RIMS1: variants seen among roughly 807,000 people sequenced by gnomAD.
RIMS1 encodes the protein regulating synaptic membrane exocytosis 1.
Under a neutral mutation model 214.1 loss-of-function variants are expected in RIMS1, and 83 were observed. The ratio of observed to expected loss-of-function variants is 0.39; its 90% CI spans 0.32 to 0.47. The LOEUF (loss-of-function observed/expected upper bound fraction) is 0.47. RIMS1 is among the 20% of genes least tolerant of loss of function. The pLI is 0.99. For missense variants in RIMS1, 2,050 were observed against 2,161.8 expected, an observed-to-expected ratio of 0.95 and a Z score of 1.03; for synonymous variants, 793 against 786.8, an observed-to-expected ratio of 1.01 and a Z score of -0.13.
intron 2 of RIMS1, among the ~76,000 whole-genome samples, chr6:72,004,493 A>G (rs1271066292): frequency 1.3e-5 from 2 of 151,644 alleles, no homozygotes; most frequent in African/African-American, 4.8e-5. Flanking sequence ...CCAACAGTGT[A>G]AAAGTGTTCC....
rs147188163 is a variant in RIMS1 at position 71,924,118 on chromosome 6, T to C, written c.164+36931T>C. On this transcript the variant is annotated intron_variant, in intron 1 of 33. Coordinates refer to ENST00000521978, the MANE Select transcript of RIMS1 (RefSeq NM_014989.7). ...GCACTTGCATGTTTCACACTTGAAG[T>C]AGTTTTATTTTGCTATTGGATAAAT... is the stretch of plus-strand genomic sequence containing the variant. 2.8e-3 allele frequency among the ~76,000 whole-genome samples: 433 copies of C among 152,316 alleles called. 1 individual carries two copies. Among genetic ancestry groups the C allele is most frequent in the African/African-American group, 9.6e-3 (398 of 41,568 alleles).
intron 26 of RIMS1, among the ~76,000 whole-genome samples, chr6:72,295,771 A>G (rs2094007093): frequency 6.6e-6 from 1 of 151,700 alleles, no homozygotes; most frequent in African/African-American, 2.4e-5. Context: ...TTTTAGTACC[A>G]TATTTGGGAA....
intron 1 of RIMS1, among the ~76,000 whole-genome samples, chr6:71,892,242 G>A (rs764672020): frequency 3.3e-5 from 5 of 152,256 alleles, no homozygotes; most frequent in Admixed American, 1.3e-4. Context: ...AACATTTATC[G>A]TGTACCTTCT....
In RIMS1 at chr6:72,057,507, T is replaced by C. The variant is rs551578657; in HGVS notation, c.246-39442T>C. 4.1e-4 allele frequency among the ~76,000 whole-genome samples: 61 copies of C among 150,522 alleles called. 1 individual carries two copies. Among genetic ancestry groups the C allele is most frequent in the African/African-American group, 1.3e-3 (52 of 41,126 alleles). On this transcript the variant is annotated intron_variant, in intron 2 of 33. Coordinates refer to ENST00000521978, the MANE Select transcript of RIMS1 (RefSeq NM_014989.7). ...AGTACACCTTCTTTTTCTTTTTTTTTTTTTTTTTTTCTTTTTTTGAGATGG... is the reference window on the plus strand; with the variant it reads ...AGTACACCTTCTTTTTCTTTTTTTTCTTTTTTTTTTCTTTTTTTGAGATGG...
At chr6:72,246,553 A>G (rs774722308) in intron 11 of RIMS1, among the ~76,000 whole-genome samples, 9 of 152,310 alleles carry the variant, frequency 5.9e-5, no homozygotes, top group Non-Finnish European at 1.3e-4. Flanking sequence ...ACAGAACCCA[A>G]GTTAAAGAAA....
intron 1 of RIMS1, among the ~76,000 whole-genome samples, chr6:71,912,528 A>G (rs75858094): frequency 2.0e-5 from 3 of 152,118 alleles, no homozygotes; most frequent in African/African-American, 7.2e-5. Flanking sequence ...CTTTTTTCAT[A>G]TGATTACATA....
At chr6:72,014,134 A>G (rs1028429054) in intron 2 of RIMS1, among the ~76,000 whole-genome samples, 23 of 152,256 alleles carry the variant, frequency 1.5e-4, no homozygotes, top group Non-Finnish European at 2.8e-4. Flanking sequence ...CAGGAAACTT[A>G]TAATCATGGT....
chr6:71,998,416 T>A (rs1804140591), intron 2 of RIMS1, among the ~76,000 whole-genome samples: 1 of 152,054 alleles, frequency 6.6e-6, no homozygotes, highest in African/African-American at 2.4e-5. Context: ...GTGCTATTAT[T>A]CCTTATGTTG....
chr6:72,051,222 T>C (rs1433071028), intron 2 of RIMS1, among the ~76,000 whole-genome samples: 1 of 152,164 alleles, frequency 6.6e-6, no homozygotes, highest in Non-Finnish European at 1.5e-5. Context: ...AGGACCCACT[T>C]TGAACTTGGC....
chr6:71,912,438 A>G (rs537854258), intron 1 of RIMS1, among the ~76,000 whole-genome samples: 1 of 152,292 alleles, frequency 6.6e-6, no homozygotes, highest in Non-Finnish European at 1.5e-5. Context: ...AGTAGAATTT[A>G]TGTAATCTAC....
intron 4 of RIMS1, among the ~76,000 whole-genome samples, chr6:72,118,853 C>T (rs1312801506): frequency 6.6e-6 from 1 of 151,612 alleles, no homozygotes; most frequent in Admixed American, 6.6e-5. Context: ...TATGATGGAT[C>T]CAGAATGAAC....
chr6:72,264,839 G>A, intron 19 of RIMS1, 136 bp from the exon 20 acceptor site: 1 of 559,584 alleles, frequency 1.8e-6, no homozygotes, highest in Non-Finnish European at 3.1e-6. Context: ...AATAGTTATT[G>A]TGGTTCTTTT....
chr6:72,186,739 T>C (rs1462636854), intron 6 of RIMS1, among the ~76,000 whole-genome samples: 1 of 151,620 alleles, frequency 6.6e-6, no homozygotes, highest in Non-Finnish European at 1.5e-5. Flanking sequence ...AAGAATTACT[T>C]CACTTCCTCA....
chr6:72,164,568 A>G (rs1352330736), intron 4 of RIMS1, among the ~76,000 whole-genome samples: 1 of 152,096 alleles, frequency 6.6e-6, no homozygotes, highest in African/African-American at 2.4e-5. Flanking sequence ...TTTTATTATG[A>G]TGTTCCTATA....
At chr6:72,340,599 A>G (rs1320923938) in intron 29 of RIMS1, among the ~76,000 whole-genome samples, 1 of 151,868 alleles carries the variant, frequency 6.6e-6, no homozygotes, top group African/African-American at 2.4e-5. Flanking sequence ...AGTTGTAGAT[A>G]TGCGGCATTA....
In RIMS1 at chr6:72,390,458, A is replaced by C. The variant is rs936811691; in HGVS notation, c.4367-140A>C. On this transcript the variant is annotated intron_variant, in intron 29 of 33. Coordinates refer to ENST00000521978, the MANE Select transcript of RIMS1 (RefSeq NM_014989.7). ...TTGGCAAGGAGCCTGAATCAAGCAA[A>C]GTACTCCCTTAGGTTACTATTTTTC... 5.7e-5 allele frequency: 55 copies of C among 967,872 alleles called. No homozygotes were observed. In the Admixed American group the frequency reaches 1.5e-3, roughly 26 times the overall value. The allele number at this position is 967,872 out of a possible 1,614,324, so 60.0% of individuals were successfully genotyped here.
chr6:71,945,524 A>AT (rs1787518910), intron 1 of RIMS1, among the ~76,000 whole-genome samples: 1 of 152,160 alleles, frequency 6.6e-6, no homozygotes, highest in African/African-American at 2.4e-5. Context: ...CATGAACACA[A>AT]TAAAGATCAT....
chr6:72,260,295 A>G (rs2077417842), intron 18 of RIMS1, among the ~76,000 whole-genome samples: 1 of 152,160 alleles, frequency 6.6e-6, no homozygotes, highest in African/African-American at 2.4e-5. Context: ...AAAAGCCAAG[A>G]AAACTATCAC....
chr6:72,195,370 T>C (rs965133811), intron 6 of RIMS1, among the ~76,000 whole-genome samples: 1 of 152,194 alleles, frequency 6.6e-6, no homozygotes, highest in African/African-American at 2.4e-5. Flanking sequence ...AGGCAGTGTT[T>C]AGCAGTCTTT....
Sources: gnomAD v4.1 joint callset for allele counts (sites outside exome capture counted in the v4.1 genomes callset) on GRCh38, gnomAD v4.1.1 for gene constraint, MANE v1.5 for transcripts, NCBI Gene and HGNC (gene_info 2026-07-23, HGNC 2026-07-21) for gene names.